The following OSBPL1A variants were observed in gnomAD, a reference collection of about 807,000 sequenced individuals.
OSBPL1A encodes oxysterol-binding protein-related protein 1.
OSBPL1A carries 80 observed loss-of-function variants against 137.1 expected under a neutral mutation model. The ratio of observed to expected loss-of-function variants is 0.58; its 90% CI spans 0.49 to 0.70. The LOEUF (loss-of-function observed/expected upper bound fraction) is 0.70, where lower values mean the gene tolerates loss of function less well. Among genes scored for constraint, OSBPL1A ranks in the 30% least tolerant of loss-of-function variants. OSBPL1A has a pLI of 0.00. For synonymous variants in OSBPL1A, 365 were observed against 389.7 expected (o/e 0.94, Z 0.75); for missense variants, 970 against 1,129.4 (o/e 0.86, Z 2.02).
chr18:24,354,748 C>CAAAAAAAAAAAAAAAAAAAAAAAAAGA (rs2091502553), intron 4 of OSBPL1A, among the ~76,000 whole-genome samples: 1 of 77,074 alleles, frequency 1.3e-5, no homozygotes, highest in Admixed American at 1.7e-4. Context: ...CTCAATATAG[C>CAAAAAAAAAAAAAAAAAAAAAAAAAGA]AAAAAAAAAA....
chr18:24,163,433 G>A, intron 27 of OSBPL1A, 152 bp from the exon 28 acceptor site: 1 of 559,374 alleles, frequency 1.8e-6, no homozygotes. Context: ...CTGTATTTCT[G>A]CTTAGGTAGG....
At chr18:24,180,070 T>C (rs1648437489) in intron 19 of OSBPL1A, among the ~76,000 whole-genome samples, 1 of 152,228 alleles carries the variant, frequency 6.6e-6, no homozygotes, top group African/African-American at 2.4e-5. Context: ...CATCACACTC[T>C]AACAGTGCTA....
chr18:24,255,631 A>T (rs1489712964), intron 15 of OSBPL1A, among the ~76,000 whole-genome samples: 1 of 152,130 alleles, frequency 6.6e-6, no homozygotes, highest in Non-Finnish European at 1.5e-5. Context: ...CATCTTACAT[A>T]TGTTGATTGA....
chr18:24,174,785 T>A (rs1406628766), intron 21 of OSBPL1A, among the ~76,000 whole-genome samples: 3 of 152,080 alleles, frequency 2.0e-5, no homozygotes, highest in Admixed American at 6.6e-5. Flanking sequence ...TTATTTATTT[T>A]TTTTTAGAGA....
At chr18:24,377,978 T>G (rs1906322531) in intron 1 of OSBPL1A, among the ~76,000 whole-genome samples, 1 of 152,222 alleles carries the variant, frequency 6.6e-6, no homozygotes, top group Non-Finnish European at 1.5e-5. Flanking sequence ...AGTGTAAGAC[T>G]AACATGTAAA....
intron 7 of OSBPL1A, among the ~76,000 whole-genome samples, chr18:24,320,784 T>A (rs2090833571): frequency 2.0e-5 from 3 of 151,930 alleles, no homozygotes; most frequent in African/African-American, 4.8e-5. Flanking sequence ...TCCCAGCACT[T>A]TGGGAGGCCG....
At position 24,312,075 on chromosome 18, in the gene OSBPL1A, G is replaced by C. The variant is rs1444389886; in HGVS notation, c.1001C>G (p.Ala334Gly). 6.2e-7 allele frequency: 1 copy of C among 1,614,038 alleles called. No homozygotes were observed. Among genetic ancestry groups the C allele is most frequent in the East Asian group, 2.2e-5 (1 of 44,858 alleles). Residue 334 changes from alanine to glycine, a missense_variant, in exon 13 of 28, where the codon GCT becomes GGT. Ala to Gly is a moderately conservative substitution (Grantham distance 60). Transcript: ENST00000319481. ...CTGGGAACAGTAGTGAGTGCTGTAA[G>C]CAGAATGTTCTTCTATTGCTTCCAG... ...DWLEAIEEHS[A>G]YSTHYCSQDQ...
intron 1 of OSBPL1A, among the ~76,000 whole-genome samples, chr18:24,384,440 G>A (rs1335065499): frequency 6.6e-6 from 1 of 152,154 alleles, no homozygotes; most frequent in Non-Finnish European, 1.5e-5. Flanking sequence ...CACGGGTGGT[G>A]GCACATGCCT....
rs10699940 is a variant in OSBPL1A at position 24,239,925 on chromosome 18, C to CTTTT, written c.1282-547_1282-544dup. On this transcript the variant is annotated intron_variant, in intron 15 of 27. Coordinates refer to ENST00000319481, the MANE Select transcript of OSBPL1A (RefSeq NM_080597.4). ...CAAACATTCTATTTTTCATTTTTCT[C>CTTTT]TTTTTTTTTTTTTTTTTTGAGATGG... 4.3e-4 allele frequency among the ~76,000 whole-genome samples: 54 copies of CTTTT among 125,588 alleles called. 1 individual carries two copies. Among genetic ancestry groups the CTTTT allele is most frequent in the Middle Eastern group, 4.5e-3 (1 of 220 alleles). 82.4% of individuals were successfully genotyped at this position (125,588 alleles called of 152,430 possible).
At chr18:24,303,776 A>C in intron 13 of OSBPL1A, 58 bp from the exon 14 acceptor site, 1 of 1,393,236 alleles carries the variant, frequency 7.2e-7, no homozygotes, top group South Asian at 1.2e-5. Context: ...TACATTACTT[A>C]TGCTTTAGTG....
At position 24,397,804 on chromosome 18, in the gene OSBPL1A, G is replaced by C. The variant is rs142029021; in HGVS notation, c.-152C>G. Reference sequence around the variant, plus strand: ...TCGAGCCCGCGTAACGTCTGTCTCCGGGACCCGGCGCCGGGACCACGGCGG... The same window carrying C: ...TCGAGCCCGCGTAACGTCTGTCTCCCGGACCCGGCGCCGGGACCACGGCGG... On this transcript the variant is annotated 5_prime_UTR_variant, in exon 1 of 28. Transcript: ENST00000319481. 1 of 152,240 alleles carries C rather than the reference G, an allele frequency of 6.6e-6. No homozygotes were observed. Among genetic ancestry groups the C allele is most frequent in the Non-Finnish European group, 1.5e-5 (1 of 68,088 alleles). The allele number at this position is 152,240 out of a possible 1,614,324, so 9.4% of individuals were successfully genotyped here.
At chr18:24,369,883 C>T (rs967744380) in intron 2 of OSBPL1A, among the ~76,000 whole-genome samples, 8 of 152,182 alleles carry the variant, frequency 5.3e-5, no homozygotes, top group African/African-American at 1.9e-4. Context: ...CCCCCATCCC[C>T]CCTGTCCCTC....
intron 16 of OSBPL1A, among the ~76,000 whole-genome samples, chr18:24,228,551 G>A (rs866296007): frequency 1.3e-5 from 2 of 152,238 alleles, no homozygotes; most frequent in African/African-American, 4.8e-5. Context: ...TGGTCCCTGC[G>A]CATGGCCCAG....
In OSBPL1A at chr18:24,346,278, C is replaced by T. The variant is rs150933506; in HGVS notation, c.283-4620G>A. The stretch of plus-strand genomic sequence containing the variant: ...GATGAAATGCTTAGAGAAAAATCCT[C>T]ATGCCCAGATTATTTTTTTTAAATA... On this transcript the variant is annotated intron_variant, in intron 4 of 27. Transcript: ENST00000319481. 4.4e-3 allele frequency among the ~76,000 whole-genome samples: 667 copies of T among 152,292 alleles called. 6 individuals are homozygous for T. The highest frequency in any genetic ancestry group is 0.016 in the African/African-American group (650 of 41,578).
At chr18:24,249,502 G>A (rs934715176) in intron 15 of OSBPL1A, among the ~76,000 whole-genome samples, 1 of 152,142 alleles carries the variant, frequency 6.6e-6, no homozygotes, top group Non-Finnish European at 1.5e-5. Flanking sequence ...CTCTGAAAAA[G>A]GTATTGAGGA....
intron 1 of OSBPL1A, among the ~76,000 whole-genome samples, chr18:24,384,432 C>T (rs529558303): frequency 1.9e-4 from 28 of 151,328 alleles, no homozygotes; most frequent in African/African-American, 5.8e-4. Flanking sequence ...AAATTAGCCA[C>T]GGGTGGTGGC....
chr18:24,365,106 A>T (rs2091684700), intron 4 of OSBPL1A, among the ~76,000 whole-genome samples: 1 of 152,154 alleles, frequency 6.6e-6, no homozygotes, highest in Admixed American at 6.5e-5. Context: ...TAGGCAATAC[A>T]ATGCAAAAAG....
At chr18:24,351,356 A>AAAAAAAAAAAAAAAAAAAAAAAAAAAAAG (rs2091437459) in intron 4 of OSBPL1A, among the ~76,000 whole-genome samples, 1 of 150,104 alleles carries the variant, frequency 6.7e-6, no homozygotes, top group South Asian at 2.1e-4. Flanking sequence ...TCAAAAAAAA[A>AAAAAAAAAAAAAAAAAAAAAAAAAAAAAG]AAAAAAAAAA....
chr18:24,371,636 C>G (rs1905646705), intron 2 of OSBPL1A, among the ~76,000 whole-genome samples: 1 of 152,138 alleles, frequency 6.6e-6, no homozygotes. Context: ...ATGAAACCCT[C>G]CCTACTCTGT....
Sources: gnomAD v4.1 joint callset for allele counts (sites outside exome capture counted in the v4.1 genomes callset) on GRCh38, gnomAD v4.1.1 for gene constraint, MANE v1.5 for transcripts, NCBI Gene and HGNC (gene_info 2026-07-23, HGNC 2026-07-21) for gene names.